Variants in NSMCE2 observed in about 807,000 individuals in gnomAD.
NSMCE2 encodes E3 SUMO-protein ligase NSE2.
A neutral mutation model predicts 23.8 loss-of-function variants in NSMCE2; 24 were observed. The ratio of observed to expected loss-of-function variants is 1.01; its 90% confidence interval spans 0.73 to 1.42. The LOEUF (loss-of-function observed/expected upper bound fraction) is 1.42, where lower values mean the gene tolerates loss of function less well. Ranked by LOEUF, NSMCE2 falls within the 40% of genes most tolerant of loss-of-function variation. The probability of loss-of-function intolerance (pLI) is 0.00; values close to 1 mark genes in which losing one functional copy is unlikely to be tolerated. For missense variants in NSMCE2, 284 were observed against 296.5 expected (o/e 0.96, Z 0.31); for synonymous variants, 92 against 94.1 (o/e 0.98, Z 0.13).
intron 5 of NSMCE2, among the ~76,000 whole-genome samples, chr8:125,300,449 C>T (rs1191361323): frequency 6.6e-6 from 1 of 152,168 alleles, no homozygotes; most frequent in Non-Finnish European, 1.5e-5. Flanking sequence ...AGACATGAGC[C>T]ATCACACCTG....
At chr8:125,247,281 C>T (rs534360369) in intron 5 of NSMCE2, among the ~76,000 whole-genome samples, 4 of 151,956 alleles carry the variant, frequency 2.6e-5, no homozygotes, top group Non-Finnish European at 4.4e-5. Context: ...TGCAGTGAGC[C>T]GTGTTCATGC....
chr8:125,113,893 G>A (rs1005146290), intron 3 of NSMCE2, among the ~76,000 whole-genome samples: 3 of 152,154 alleles, frequency 2.0e-5, no homozygotes, highest in African/African-American at 7.2e-5. Flanking sequence ...TCTAGGATTG[G>A]GTAGAGGGTA....
intron 5 of NSMCE2, among the ~76,000 whole-genome samples, chr8:125,219,663 G>A (rs754168451): frequency 6.6e-6 from 1 of 151,938 alleles, no homozygotes; most frequent in Non-Finnish European, 1.5e-5. Flanking sequence ...ATTTTTCTTG[G>A]GCTTTCTGGA....
chr8:125,103,848 C>T (rs1818318739), intron 3 of NSMCE2, among the ~76,000 whole-genome samples: 1 of 151,320 alleles, frequency 6.6e-6, no homozygotes, highest in African/African-American at 2.4e-5. Context: ...TTTAGTCTTC[C>T]ATTTCTTTCT....
At chr8:125,341,871 T>G (rs906063049) in intron 5 of NSMCE2, among the ~76,000 whole-genome samples, 8 of 128,568 alleles carry the variant, frequency 6.2e-5, no homozygotes, top group Non-Finnish European at 1.2e-4. Flanking sequence ...AGAGTCCATG[T>G]GCAATGCACT....
chr8:125,238,774 G>GA (rs1286205710), intron 5 of NSMCE2, among the ~76,000 whole-genome samples: 1 of 152,106 alleles, frequency 6.6e-6, no homozygotes, highest in African/African-American at 2.4e-5. Flanking sequence ...ACCTTGAAAA[G>GA]ACTTATTTTT....
intron 5 of NSMCE2, among the ~76,000 whole-genome samples, chr8:125,296,656 A>G (rs1421620202): frequency 6.6e-6 from 1 of 152,138 alleles, no homozygotes; most frequent in East Asian, 1.9e-4. Flanking sequence ...TTGGCCTCCC[A>G]AAGTGCTGGG....
intron 3 of NSMCE2, among the ~76,000 whole-genome samples, chr8:125,122,111 A>G (rs1819291206): frequency 6.7e-6 from 1 of 148,520 alleles, no homozygotes; most frequent in African/African-American, 2.5e-5. Flanking sequence ...CATTAAAACC[A>G]TTTATAGAGT....
intron 5 of NSMCE2, among the ~76,000 whole-genome samples, chr8:125,240,143 T>G (rs76809644): frequency 1.3e-5 from 2 of 151,038 alleles, no homozygotes; most frequent in African/African-American, 4.9e-5. Flanking sequence ...TTTTTTTTTT[T>G]GAGACGGAGT....
Position 125,316,683 on chromosome 8 carries a change from TTATC to T in NSMCE2, c.419-40534_419-40531del, listed in dbSNP as rs1318957862. ...CCTTCCTTCCTTCTTTCCTTCCTTC[TTATC>T]TTCCTTCTTTCCTTCCTTCCTTCTT... On this transcript the variant is annotated intron_variant, in intron 5 of 7. Coordinates refer to ENST00000287437, the MANE Select transcript of NSMCE2 (RefSeq NM_173685.4). Among the ~76,000 whole-genome samples, 848 of 111,312 alleles carry T rather than the reference TTATC, an allele frequency of 7.6e-3. 40 individuals carry two copies. Among genetic ancestry groups the T allele is most frequent in the Admixed American group, 0.02 (198 of 9,972 alleles). The allele number at this position is 111,312 out of a possible 152,430, so 73.0% of individuals were successfully genotyped here. A position where few individuals can be genotyped will look rare whatever the true frequency, so the allele number is the denominator to read the frequency against.
chr8:125,208,043 T>A (rs1329096639), intron 5 of NSMCE2, among the ~76,000 whole-genome samples: 3 of 152,192 alleles, frequency 2.0e-5, no homozygotes, highest in Admixed American at 2.0e-4. Context: ...TGTGGCCAGA[T>A]TGTCAGTCAG....
chr8:125,347,086 G>A (rs1812796593), intron 5 of NSMCE2, among the ~76,000 whole-genome samples: 1 of 152,130 alleles, frequency 6.6e-6, no homozygotes, highest in African/African-American at 2.4e-5. Flanking sequence ...CTTGCTATTT[G>A]CCAGGAACCA....
chr8:125,275,833 T>C (rs1563758189), intron 5 of NSMCE2, among the ~76,000 whole-genome samples: 1 of 152,210 alleles, frequency 6.6e-6, no homozygotes, highest in Non-Finnish European at 1.5e-5. Flanking sequence ...AGCTAGTAAT[T>C]GTAAGAGCTG....
intron 5 of NSMCE2, among the ~76,000 whole-genome samples, chr8:125,350,033 A>G (rs1041951572): frequency 6.6e-6 from 1 of 152,148 alleles, no homozygotes; most frequent in Non-Finnish European, 1.5e-5. Context: ...GCCTTGTTGG[A>G]TGAGGCACTT....
chr8:125,298,587 A>G (rs374178645), intron 5 of NSMCE2, among the ~76,000 whole-genome samples: 3 of 151,766 alleles, frequency 2.0e-5, no homozygotes, highest in African/African-American at 7.3e-5. Flanking sequence ...TTGTTTCCTT[A>G]TCTGTAAAAA....
chr8:125,318,153 A>G (rs935132380), intron 5 of NSMCE2, among the ~76,000 whole-genome samples: 1 of 152,248 alleles, frequency 6.6e-6, no homozygotes, highest in African/African-American at 2.4e-5. Flanking sequence ...ACACGCCTGT[A>G]ATCCCAGCAC....
At chr8:125,185,009 A>G (rs1234315252) in intron 5 of NSMCE2, among the ~76,000 whole-genome samples, 1 of 152,250 alleles carries the variant, frequency 6.6e-6, no homozygotes, top group Non-Finnish European at 1.5e-5. Context: ...ACATAGATCC[A>G]AAGAGTTCTT....
chr8:125,250,195 G>T (rs1050456713), intron 5 of NSMCE2, among the ~76,000 whole-genome samples: 4 of 152,084 alleles, frequency 2.6e-5, no homozygotes, highest in African/African-American at 9.7e-5. Context: ...TCACCATGTT[G>T]GCCAGGCTGT....
chr8:125,281,846 C>T (rs181534344), intron 5 of NSMCE2, among the ~76,000 whole-genome samples: 208 of 151,950 alleles, frequency 1.4e-3, no homozygotes, highest in African/African-American at 4.9e-3. Context: ...TCCCAAAGTG[C>T]TGGATCACAG....
Sources: allele counts gnomAD v4.1 joint callset (sites outside exome capture counted in the v4.1 genomes callset), GRCh38; gene constraint gnomAD v4.1.1; transcripts MANE v1.5; gene names NCBI Gene and HGNC (gene_info 2026-07-23, HGNC 2026-07-21).